The following STXBP5L variants were observed in gnomAD, a reference collection of about 807,000 sequenced individuals.
STXBP5L encodes the protein syntaxin-binding protein 5-like.
A neutral mutation model predicts 144.5 loss-of-function variants in STXBP5L; 65 were observed. The ratio of observed to expected loss-of-function variants is 0.45; its 90% CI spans 0.37 to 0.55. STXBP5L has a LOEUF of 0.55. STXBP5L is among the 20% of genes least tolerant of loss of function. The pLI is 0.00. For synonymous variants in STXBP5L, 505 were observed against 469.6 expected (o/e 1.08, Z -0.97); for missense variants, 1,298 against 1,405.5 (o/e 0.92, Z 1.22).
intron 3 of STXBP5L, among the ~76,000 whole-genome samples, chr3:121,015,889 C>G (rs1034443680): frequency 3.9e-5 from 6 of 152,082 alleles, no homozygotes; most frequent in Admixed American, 3.3e-4. Flanking sequence ...ACACACAGAC[C>G]CATTATATCA....
intron 9 of STXBP5L, among the ~76,000 whole-genome samples, chr3:121,179,836 C>A (rs1046357866): frequency 1.3e-5 from 2 of 152,018 alleles, no homozygotes; most frequent in Non-Finnish European, 2.9e-5. Flanking sequence ...GAAGAAAGAA[C>A]TTCAGAGCTT....
chr3:121,307,187 A>G (rs1019818346), intron 19 of STXBP5L, among the ~76,000 whole-genome samples: 1 of 152,200 alleles, frequency 6.6e-6, no homozygotes, highest in African/African-American at 2.4e-5. Context: ...GAGGGGAGAG[A>G]GGAATCAGTC....
chr3:121,086,699 A>G (rs1053316064), intron 5 of STXBP5L, among the ~76,000 whole-genome samples: 4 of 152,086 alleles, frequency 2.6e-5, no homozygotes, highest in Admixed American at 2.0e-4. Context: ...TCAAAATCCT[A>G]AATGTTCCAA....
At chr3:121,308,563 T>C (rs1343053868) in intron 19 of STXBP5L, among the ~76,000 whole-genome samples, 1 of 152,208 alleles carries the variant, frequency 6.6e-6, no homozygotes, top group African/African-American at 2.4e-5. Context: ...TATATAATTG[T>C]TATTTGGGGA....
At chr3:120,949,097 C>T (rs1266913801) in intron 2 of STXBP5L, among the ~76,000 whole-genome samples, 2 of 151,854 alleles carry the variant, frequency 1.3e-5, no homozygotes, top group African/African-American at 2.4e-5. Flanking sequence ...AAATTATGGT[C>T]AGTCTTGCAG....
intron 5 of STXBP5L, among the ~76,000 whole-genome samples, chr3:121,113,499 G>A (rs2044090589): frequency 6.6e-6 from 1 of 152,010 alleles, no homozygotes; most frequent in African/African-American, 2.4e-5. Context: ...ATTGTCAATA[G>A]TAATTGCTTA....
Position 121,230,676 on chromosome 3 carries a change from A to G in STXBP5L, c.1112-2940A>G, listed in dbSNP as rs182923087. ...AGCCAATTTGGTACCATAGACAAAT[A>G]CAACCAGACTTGTACATGCAGCCAG... On this transcript the variant is annotated intron_variant, in intron 11 of 26. Transcript: ENST00000471454. 9.8e-5 allele frequency among the ~76,000 whole-genome samples: 15 copies of G among 152,318 alleles called. No individual in the cohort carries two copies. The East Asian group carries it at 2.9e-3, about 29-fold the overall frequency.
rs551584445 is a variant in STXBP5L at position 121,031,596 on chromosome 3, A to G, written c.288-10104A>G. On this transcript the variant is annotated intron_variant, in intron 3 of 26. Coordinates refer to ENST00000471454, the MANE Select transcript of STXBP5L (RefSeq NM_001308330.2). ...GGAACTTGGTCTTATAAGGCCTTCA[A>G]CAGAAGGCCAATCCATATTATGAAG... Among the ~76,000 whole-genome samples the G allele has an allele frequency of 1.7e-3, 254 of 152,202 alleles. 1 individual carries two copies. Among genetic ancestry groups the G allele is most frequent in the Non-Finnish European group, 2.2e-3 (148 of 67,994 alleles).
intron 20 of STXBP5L, among the ~76,000 whole-genome samples, chr3:121,355,454 C>G (rs11926117): frequency 0.12 from 18,303 of 152,152 alleles, 1,158 homozygotes; most frequent in Non-Finnish European, 0.14. Context: ...ATCACTGATA[C>G]CCTTTCTTCC....
In STXBP5L at chr3:121,146,450, A is replaced by G. The variant is rs190530760; in HGVS notation, c.670-6027A>G. On this transcript the variant is annotated intron_variant, in intron 7 of 26. Coordinates refer to ENST00000471454, the MANE Select transcript of STXBP5L (RefSeq NM_001308330.2). ...CTCCCTTCCCAAAAAGAGGGAGGAC[A>G]CATTAACAAATGGGACAAATACAAG... 3.9e-5 allele frequency among the ~76,000 whole-genome samples: 6 copies of G among 152,196 alleles called. No homozygotes were observed. The East Asian group carries it at 1.2e-3, about 29-fold the overall frequency.
chr3:121,116,586 T>C (rs1472734753), intron 6 of STXBP5L, among the ~76,000 whole-genome samples: 1 of 152,112 alleles, frequency 6.6e-6, no homozygotes, highest in Non-Finnish European at 1.5e-5. Context: ...ATTAGTATGA[T>C]AAATTGTTAC....
intron 3 of STXBP5L, among the ~76,000 whole-genome samples, chr3:120,965,256 A>G (rs1012336657): frequency 2.0e-5 from 3 of 152,146 alleles, no homozygotes; most frequent in Admixed American, 6.5e-5. Flanking sequence ...GTGTCTTTTA[A>G]TTGGGGCATT....
intron 9 of STXBP5L, chr3:121,158,646 T>A (rs1270966233): frequency 1.3e-5 from 2 of 152,160 alleles, no homozygotes; most frequent in Non-Finnish European, 2.9e-5. Context: ...ACAGAAACCT[T>A]GGGTAGATAT....
chr3:121,415,980 C>A lies in STXBP5L; in HGVS notation c.3226+12C>A. 1 of 1,603,120 alleles carries A rather than the reference C, an allele frequency of 6.2e-7. No individual in the cohort carries two copies. Among genetic ancestry groups the A allele is most frequent in the Non-Finnish European group, 8.5e-7 (1 of 1,171,762 alleles). Reference sequence around the variant, plus strand: ...CAGAGAAGAGCTCTGTGAGTAAATTCCTGATTATAGAAATGTATTGCAAAA... The same window carrying A: ...CAGAGAAGAGCTCTGTGAGTAAATTACTGATTATAGAAATGTATTGCAAAA... On this transcript the variant is annotated intron_variant, in intron 25 of 26. Transcript: ENST00000471454.
rs532735375 is a variant in STXBP5L, at chr3:121,122,622, A to C, written c.669+918A>C. 8.6e-5 allele frequency among the ~76,000 whole-genome samples: 13 copies of C among 151,658 alleles called. No individual in the cohort carries two copies. In the South Asian group the frequency reaches 2.7e-3, roughly 31 times the overall value. ...AAAGAAGATGTCTGAGGACATAATTAGCTATTGAATAAATGGTACTGGATA... is the reference window on the plus strand; with the variant it reads ...AAAGAAGATGTCTGAGGACATAATTCGCTATTGAATAAATGGTACTGGATA... On this transcript the variant is annotated intron_variant, in intron 7 of 26. Coordinates refer to ENST00000471454, the MANE Select transcript of STXBP5L (RefSeq NM_001308330.2).
chr3:121,100,443 T>A (rs2043359150), intron 5 of STXBP5L, among the ~76,000 whole-genome samples: 1 of 151,670 alleles, frequency 6.6e-6, no homozygotes, highest in Non-Finnish European at 1.5e-5. Flanking sequence ...ACCAAGATCT[T>A]TTATTACCAC....
intron 5 of STXBP5L, among the ~76,000 whole-genome samples, chr3:121,062,500 A>C (rs2041332828): frequency 6.6e-6 from 1 of 152,046 alleles, no homozygotes; most frequent in African/African-American, 2.4e-5. Context: ...TTTCTCAAGG[A>C]GTATCTTTGT....
At chr3:121,163,223 G>A (rs1016350916) in intron 9 of STXBP5L, among the ~76,000 whole-genome samples, 14 of 152,074 alleles carry the variant, frequency 9.2e-5, no homozygotes, top group South Asian at 2.1e-4. Context: ...CATATACACC[G>A]TGGAATACTA....
chr3:121,263,429 A>G (rs2050450334), intron 18 of STXBP5L, among the ~76,000 whole-genome samples: 1 of 152,264 alleles, frequency 6.6e-6, no homozygotes, highest in East Asian at 1.9e-4. Flanking sequence ...AATCATCACA[A>G]TTCCTCACCA....
Sources: allele counts gnomAD v4.1 joint callset (sites outside exome capture counted in the v4.1 genomes callset), GRCh38; gene constraint gnomAD v4.1.1; transcripts MANE v1.5; gene names NCBI Gene and HGNC (gene_info 2026-07-23, HGNC 2026-07-21).